The following THSD4 variants were observed in gnomAD, a reference collection of about 807,000 sequenced individuals.
THSD4 encodes thrombospondin type-1 domain-containing protein 4.
Under a neutral mutation model 119.0 loss-of-function variants are expected in THSD4, and 69 were observed. That is an observed-to-expected ratio of 0.58 (90% CI 0.48 to 0.71). THSD4 has a LOEUF of 0.71. THSD4 is among the 30% of genes least tolerant of loss of function. The probability of loss-of-function intolerance (pLI) is 0.00; values close to 1 mark genes in which losing one functional copy is unlikely to be tolerated. For missense variants in THSD4, 1,393 were observed against 1,391.1 expected (o/e 1.00, Z -0.02); for synonymous variants, 524 against 540.4 (o/e 0.97, Z 0.42).
chr15:71,448,825 A>C (rs1182065129), intron 7 of THSD4, among the ~76,000 whole-genome samples: 1 of 152,234 alleles, frequency 6.6e-6, no homozygotes, highest in African/African-American at 2.4e-5. Context: ...GTCACTGATA[A>C]TATTAACTGC....
chr15:71,509,215 C>T (rs906276732), intron 7 of THSD4, among the ~76,000 whole-genome samples: 15 of 152,134 alleles, frequency 9.9e-5, no homozygotes, highest in Admixed American at 9.2e-4. Flanking sequence ...GAAGAACAGG[C>T]TTGTTTATTG....
In THSD4 at chr15:71,120,181, C is replaced by T. The variant is rs1327742994; in HGVS notation, c.-80+4483C>T. On this transcript the variant is annotated intron_variant, in intron 1 of 17. Coordinates refer to ENST00000261862, the MANE Select transcript of THSD4 (RefSeq NM_024817.3). ...CCCAGCAAATGAACACTCCCAGCTG[C>T]GCGGTGATAGTAATAATGAATTACC... 1.1e-4 allele frequency among the ~76,000 whole-genome samples: 17 copies of T among 152,302 alleles called. 1 individual carries two copies. The highest frequency in any genetic ancestry group is 2.1e-4 in the South Asian group (1 of 4,828).
intron 6 of THSD4, among the ~76,000 whole-genome samples, chr15:71,399,509 T>C (rs1273949617): frequency 1.3e-5 from 2 of 152,224 alleles, no homozygotes; most frequent in African/African-American, 2.4e-5. Flanking sequence ...ATGGCTGCAG[T>C]CTTCACTGTC....
chr15:71,479,701 C>T (rs572979655), intron 7 of THSD4, among the ~76,000 whole-genome samples: 3 of 151,956 alleles, frequency 2.0e-5, no homozygotes, highest in African/African-American at 4.8e-5. Context: ...TTTAAAAGTA[C>T]GTACCCTTCA....
At chr15:71,690,602 T>C (rs1439085210) in intron 8 of THSD4, among the ~76,000 whole-genome samples, 1 of 152,170 alleles carries the variant, frequency 6.6e-6, no homozygotes, top group African/African-American at 2.4e-5. Context: ...TTCACACTGC[T>C]GATAAAGACA....
intron 8 of THSD4, among the ~76,000 whole-genome samples, chr15:71,704,683 C>A (rs2052360754): frequency 6.6e-6 from 1 of 152,164 alleles, no homozygotes; most frequent in East Asian, 1.9e-4. Context: ...ATGCATGTAT[C>A]CAGCAATCAC....
In THSD4 at chr15:71,727,579, TATATATATACACACACACACACACAC is replaced by T. The variant is rs1187137364; in HGVS notation, c.1358-968_1358-943del. Among the ~76,000 whole-genome samples the T allele has an allele frequency of 3.4e-3, 44 of 12,894 alleles. 1 individual carries two copies. Among genetic ancestry groups the T allele is most frequent in the African/African-American group, 6.1e-3 (41 of 6,718 alleles). The allele number at this position is 12,894 out of a possible 152,430, so 8.5% of individuals were successfully genotyped here. A position where few individuals can be genotyped will look rare whatever the true frequency, so the allele number is the denominator to read the frequency against. Reference sequence around the variant, plus strand: ...ATATATATATATATATATATATATATATATATATACACACACACACACACACACACACACACACACACAAGCCAGGC... The same window carrying T: ...ATATATATATATATATATATATATATACACACACACACACACAAGCCAGGC... On this transcript the variant is annotated intron_variant, in intron 8 of 17. Transcript: ENST00000261862.
chr15:71,374,335 A>C (rs2046102129), intron 6 of THSD4, among the ~76,000 whole-genome samples: 1 of 152,218 alleles, frequency 6.6e-6, no homozygotes, highest in Admixed American at 6.5e-5. Flanking sequence ...CTCAGTATGC[A>C]TCAGGGTGTG....
At chr15:71,262,221 C>T (rs1166822431) in intron 6 of THSD4, among the ~76,000 whole-genome samples, 1 of 152,158 alleles carries the variant, frequency 6.6e-6, no homozygotes, top group African/African-American at 2.4e-5. Flanking sequence ...AATTGCATTT[C>T]CTGGATTTGG....
At chr15:71,204,381 A>C (rs1008071409) in intron 3 of THSD4, among the ~76,000 whole-genome samples, 8 of 152,202 alleles carry the variant, frequency 5.3e-5, no homozygotes, top group South Asian at 2.1e-4. Context: ...CACTGCGTTT[A>C]GGGAAGTTCT....
intron 5 of THSD4, among the ~76,000 whole-genome samples, chr15:71,247,355 G>A (rs192435193): frequency 1.3e-5 from 2 of 152,288 alleles, no homozygotes; most frequent in East Asian, 1.9e-4. Context: ...CGTTGATTGC[G>A]TGGGGTGAGG....
At chr15:71,699,768 T>TG (rs978818730) in intron 8 of THSD4, among the ~76,000 whole-genome samples, 1 of 152,148 alleles carries the variant, frequency 6.6e-6, no homozygotes, top group African/African-American at 2.4e-5. Context: ...AAGGGCTTTG[T>TG]GGGGGGCAAA....
chr15:71,158,148 C>CTTTT (rs1193131967), intron 3 of THSD4, among the ~76,000 whole-genome samples: 96 of 85,030 alleles, frequency 1.1e-3, no homozygotes, highest in African/African-American at 1.6e-3. Flanking sequence ...CAACACTTAT[C>CTTTT]TTTTTTTTTT....
chr15:71,467,388 T>G (rs554172594), intron 7 of THSD4, among the ~76,000 whole-genome samples: 15 of 152,334 alleles, frequency 9.8e-5, no homozygotes, highest in African/African-American at 3.4e-4. Context: ...GAAGAAATGA[T>G]TAAATCTGTG....
At chr15:71,362,420 G>A (rs2045904052) in intron 6 of THSD4, among the ~76,000 whole-genome samples, 1 of 152,128 alleles carries the variant, frequency 6.6e-6, no homozygotes, top group South Asian at 2.1e-4. Flanking sequence ...CAAGATTGTA[G>A]AACAAATCAT....
chr15:71,338,435 G>A (rs1053160333), intron 6 of THSD4, among the ~76,000 whole-genome samples: 3 of 152,104 alleles, frequency 2.0e-5, no homozygotes, highest in Middle Eastern at 3.2e-3. Flanking sequence ...ATACTCGCGC[G>A]TGGATCCTAG....
chr15:71,541,081 T>A (rs1178670083), intron 7 of THSD4, among the ~76,000 whole-genome samples: 1 of 152,198 alleles, frequency 6.6e-6, no homozygotes, highest in Admixed American at 6.5e-5. Context: ...TCAATAAGTA[T>A]GAAAGGGTAT....
intron 14 of THSD4, 32 bp from the exon 15 acceptor site, chr15:71,757,870 C>T (rs751468989): frequency 1.2e-6 from 2 of 1,610,580 alleles, no homozygotes; most frequent in Non-Finnish European, 1.7e-6. Context: ...GCCAGGGCCT[C>T]CTGACTAATG....
intron 6 of THSD4, among the ~76,000 whole-genome samples, chr15:71,264,225 G>T (rs1332916022): frequency 2.0e-5 from 3 of 152,250 alleles, no homozygotes; most frequent in Non-Finnish European, 4.4e-5. Flanking sequence ...TTTTACTGAA[G>T]CGGCTTTATT....
Sources: gnomAD v4.1 joint callset for allele counts (sites outside exome capture counted in the v4.1 genomes callset) on GRCh38, gnomAD v4.1.1 for gene constraint, MANE v1.5 for transcripts, NCBI Gene and HGNC (gene_info 2026-07-23, HGNC 2026-07-21) for gene names.